The following FBLN7 variants were observed in gnomAD, a reference collection of about 807,000 sequenced individuals.
The protein encoded by FBLN7 is fibulin-7.
FBLN7 carries 31 observed loss-of-function variants against 44.0 expected under a neutral mutation model. The observed-to-expected ratio is 0.70, with a 90% CI of 0.53 to 0.95. The LOEUF is 0.95. FBLN7 is among the 40% of genes least tolerant of loss of function. The probability of loss-of-function intolerance (pLI) is 0.00; values close to 1 mark genes in which losing one functional copy is unlikely to be tolerated. For missense variants in FBLN7, 573 were observed against 618.5 expected, an observed-to-expected ratio of 0.93 and a Z score of 0.78; for synonymous variants, 262 against 253.4, an observed-to-expected ratio of 1.03 and a Z score of -0.32.
At chr2:112,186,829 G>C (rs1335874855) in intron 7 of FBLN7, among the ~76,000 whole-genome samples, 2 of 152,128 alleles carry the variant, frequency 1.3e-5, no homozygotes, top group Non-Finnish European at 2.9e-5. Flanking sequence ...ATATTCCCAG[G>C]CTATATTTTT....
chr2:112,188,930 A>G (rs1354417779), downstream of FBLN7: 1 of 152,194 alleles, frequency 6.6e-6, no homozygotes, highest in Non-Finnish European at 1.5e-5. Flanking sequence ...TTATGTTTCT[A>G]AATGTAGCTA....
chr2:112,219,806 A>G, the FBLN7 span, among the ~76,000 whole-genome samples: 370 of 152,282 alleles, frequency 2.4e-3, 2 homozygotes, highest in South Asian at 0.012. Flanking sequence ...TATAGAGTTC[A>G]GGTCCCAAAC....
chr2:112,187,953 C>T lies in FBLN7; in HGVS notation c.*447C>T, dbSNP rs1277105785. 4 of 201,058 alleles carry T rather than the reference C, an allele frequency of 2.0e-5. No homozygotes were observed. The highest frequency in any genetic ancestry group is 2.6e-4 in the East Asian group (2 of 7,826). The allele number at this position is 201,058 out of a possible 1,614,324, so 12.5% of individuals were successfully genotyped here. ...GCGGGGGGCCCTAGTCATGCCTCTG[C>T]GCATGTGGCATAGGAAGTGGAGTCT... On this transcript the variant is annotated 3_prime_UTR_variant, in exon 8 of 8. Coordinates refer to ENST00000331203, the MANE Select transcript of FBLN7 (RefSeq NM_153214.3). The surrounding 1 kb of genome is among the most constrained non-coding windows in gnomAD (Gnocchi z 5.1).
intron 2 of FBLN7, among the ~76,000 whole-genome samples, chr2:112,161,217 T>C (rs1681853490): frequency 2.0e-5 from 3 of 152,166 alleles, no homozygotes; most frequent in African/African-American, 7.2e-5. Flanking sequence ...CAGGAGCCTG[T>C]GGAATATCTG....
chr2:112,181,605 C>CAGAG (rs1682996123), intron 4 of FBLN7, 134 bp from the exon 5 acceptor site: 2 of 1,140,664 alleles, frequency 1.8e-6, no homozygotes, highest in East Asian at 6.5e-5. Flanking sequence ...CTTGTCTCTC[C>CAGAG]TTTCCCTACT....
chr2:112,188,354 A>G (rs1454920212), downstream of FBLN7: 2 of 152,224 alleles, frequency 1.3e-5, no homozygotes, highest in Admixed American at 6.5e-5. Flanking sequence ...ACTGTTCCAC[A>G]TTATAAATTT....
chr2:112,195,930 G>T, the FBLN7 span, among the ~76,000 whole-genome samples: 290 of 152,324 alleles, frequency 1.9e-3, no homozygotes, highest in Non-Finnish European at 3.3e-3. Context: ...ATGATAGGCT[G>T]GCACTCTGTG....
At chr2:112,222,226 C>CAGAT in the FBLN7 span, among the ~76,000 whole-genome samples, 1 of 152,128 alleles carries the variant, frequency 6.6e-6, no homozygotes, top group Admixed American at 6.5e-5. Flanking sequence ...CCTCAGTTGA[C>CAGAT]AGATAGGTTG....
At chr2:112,160,736 A>ACACACG (rs1180345017) in intron 2 of FBLN7, among the ~76,000 whole-genome samples, 2,810 of 102,114 alleles carry the variant, frequency 0.028, 35 homozygotes, top group Middle Eastern at 0.074. Context: ...ACGCACGCAC[A>ACACACG]CGCACACACG....
At position 112,181,787 on chromosome 2, in the gene FBLN7, C is replaced by G; in HGVS notation, c.581C>G (p.Pro194Arg). ...VAGDSAFSRAPRCAQVERAQH... is the reference protein window; with the variant it reads ...VAGDSAFSRARRCAQVERAQH... ...GGCGACTCCGCCTTCAGCCGCGCGC[C>G]GCGCTGTGCGCAGGTGGAGCGGGCT... Residue 194 changes from proline (P) to arginine (R), a missense_variant, in exon 5 of 8, where the codon CCG (proline) becomes CGG (arginine). Physicochemically the swap from Pro to Arg is moderately radical, Grantham distance 103. Coordinates refer to ENST00000331203, the MANE Select transcript of FBLN7 (RefSeq NM_153214.3). 6.9e-7 allele frequency: 1 copy of G among 1,454,506 alleles called. No individual in the cohort carries two copies. The highest frequency in any genetic ancestry group is 1.3e-5 in the South Asian group (1 of 74,914). The allele number at this position is 1,454,506 out of a possible 1,614,324, so 90.1% of individuals were successfully genotyped here.
At chr2:112,244,128 G>A in the FBLN7 span, among the ~76,000 whole-genome samples, 1 of 151,182 alleles carries the variant, frequency 6.6e-6, no homozygotes, top group Non-Finnish European at 1.5e-5. Flanking sequence ...CAATCGCATA[G>A]AATTAAGAAT....
At chr2:112,237,836 G>C in the FBLN7 span, among the ~76,000 whole-genome samples, 1 of 152,024 alleles carries the variant, frequency 6.6e-6, no homozygotes, top group African/African-American at 2.4e-5. Flanking sequence ...CAAAGTGCTG[G>C]GATTACAGGC....
chr2:112,206,593 G>A, the FBLN7 span, among the ~76,000 whole-genome samples: 1 of 152,038 alleles, frequency 6.6e-6, no homozygotes, highest in East Asian at 1.9e-4. Context: ...AATTTTTATA[G>A]AGACCGGGTT....
intron 3 of FBLN7, among the ~76,000 whole-genome samples, chr2:112,174,025 T>C (rs1263599591): frequency 6.6e-6 from 1 of 152,250 alleles, no homozygotes; most frequent in Non-Finnish European, 1.5e-5. Context: ...CAATGCCTTC[T>C]TTTGGCAGGC....
At chr2:112,150,631 AG>A (rs1456109068) in intron 1 of FBLN7, among the ~76,000 whole-genome samples, 2 of 152,210 alleles carry the variant, frequency 1.3e-5, no homozygotes, top group African/African-American at 2.4e-5. Context: ...GAAGACTCCC[AG>A]GCCTGGCTTG....
At chr2:112,160,879 C>T (rs1250772669) in intron 2 of FBLN7, among the ~76,000 whole-genome samples, 1 of 152,088 alleles carries the variant, frequency 6.6e-6, no homozygotes, top group East Asian at 1.9e-4. Flanking sequence ...CAGCCCGAGC[C>T]AGTGCAATAC....
At position 112,175,159 on chromosome 2, in the gene FBLN7, G is replaced by T. The variant is rs565160130; in HGVS notation, c.407-555G>T. Among the ~76,000 whole-genome samples the T allele has an allele frequency of 2.0e-5, 3 of 152,346 alleles. No individual in the cohort carries two copies. In the South Asian group the frequency reaches 6.2e-4, roughly 32 times the overall value. ...AAAAACTCTTACCTGGTCAAGCACA[G>T]TAGGGCTTCTGGTTGGGAATTTGGA... On this transcript the variant is annotated intron_variant, in intron 3 of 7. Transcript: ENST00000331203.
the FBLN7 span, among the ~76,000 whole-genome samples, chr2:112,205,033 A>T: frequency 6.6e-6 from 1 of 152,150 alleles, no homozygotes; most frequent in Non-Finnish European, 1.5e-5. Flanking sequence ...GGTATAAATA[A>T]AATAGTACAA....
the FBLN7 span, among the ~76,000 whole-genome samples, chr2:112,242,783 C>T: frequency 6.6e-6 from 1 of 152,286 alleles, no homozygotes; most frequent in East Asian, 1.9e-4. Context: ...CTCCAGCTCT[C>T]TTCTGATTAA....
Sources: gnomAD v4.1 joint callset for allele counts (sites outside exome capture counted in the v4.1 genomes callset) on GRCh38, gnomAD v4.1.1 for gene constraint, Gnocchi (gnomAD v3.1) non-coding constraint, MANE v1.5 for transcripts, NCBI Gene and HGNC (gene_info 2026-07-23, HGNC 2026-07-21) for gene names.